SPINT2: variants seen among roughly 807,000 people sequenced by gnomAD.
SPINT2 encodes kunitz-type protease inhibitor 2.
A neutral mutation model predicts 30.1 loss-of-function variants in SPINT2; 18 were observed. That is an observed-to-expected ratio of 0.60 (90% CI 0.41 to 0.89). The LOEUF (loss-of-function observed/expected upper bound fraction) is 0.89. Among genes scored for constraint, SPINT2 ranks in the 40% least tolerant of loss-of-function variants. The pLI is 0.00. For synonymous variants in SPINT2, 139 were observed against 137.9 expected, an observed-to-expected ratio of 1.01 and a Z score of -0.05; for missense variants, 276 against 334.3, an observed-to-expected ratio of 0.83 and a Z score of 1.36.
At position 38,290,672 on chromosome 19, in the gene SPINT2, C is replaced by T. The variant is rs1489031409; in HGVS notation, c.592+97C>T. ...CAGCTGTGGTTTACATTATCCTTCA[C>T]TGTGAACATCATCTTGGCAGAAAGT... is the stretch of plus-strand genomic sequence containing the variant. On this transcript the variant is annotated intron_variant, in intron 6 of 6. Transcript: ENST00000301244. The surrounding 1 kb of genome is among the most constrained non-coding windows in gnomAD (Gnocchi z 4.3). The T allele has an allele frequency of 2.8e-6, 4 of 1,436,838 alleles. No homozygotes were observed. Among genetic ancestry groups the T allele is most frequent in the Non-Finnish European group, 3.8e-6 (4 of 1,044,614 alleles). The allele number at this position is 1,436,838 out of a possible 1,614,324, so 89.0% of individuals were successfully genotyped here. A position where few individuals can be genotyped will look rare whatever the true frequency, so the allele number is the denominator to read the frequency against.
intron 1 of SPINT2, among the ~76,000 whole-genome samples, chr19:38,272,910 C>T (rs903300225): frequency 2.6e-5 from 4 of 151,968 alleles, no homozygotes; most frequent in South Asian, 2.1e-4. Flanking sequence ...TTAGTAGAGA[C>T]GGGGTTTCAC....
intron 2 of SPINT2, among the ~76,000 whole-genome samples, chr19:38,285,244 ACTT>A (rs1968627468): frequency 6.6e-6 from 1 of 152,172 alleles, no homozygotes; most frequent in Non-Finnish European, 1.5e-5. Flanking sequence ...AGTGAGAAGG[ACTT>A]CCTGAGAGCT....
In SPINT2 at chr19:38,264,964, G is replaced by T. The variant is rs1252741278; in HGVS notation, c.72G>T (p.Gly24=). The T allele has an allele frequency of 3.3e-6, 5 of 1,535,996 alleles. 1 individual carries two copies. The African/African-American group carries it at 6.9e-5, about 21-fold the overall frequency. The change falls in exon 1 of 7, where the codon GGG becomes GGT. Residue 24 remains glycine, a synonymous_variant. Transcript: ENST00000301244. ...TGCTGGGATCGCTGCTCCTCTCTGG[G>T]GTCCTGGCGGCCGACCGAGAACGCA... ...LALLGSLLLS[G]VLAADRERSI... is the part of the protein sequence containing the mutation.
rs1219863836 is a variant in SPINT2, at chr19:38,290,680, A to G, written c.592+105A>G. 2 of 1,411,332 alleles carry G rather than the reference A, an allele frequency of 1.4e-6. No homozygotes were observed. Among genetic ancestry groups the G allele is most frequent in the Non-Finnish European group, 9.8e-7 (1 of 1,024,192 alleles). The allele number at this position is 1,411,332 out of a possible 1,614,324, so 87.4% of individuals were successfully genotyped here. On this transcript the variant is annotated intron_variant, in intron 6 of 6. Transcript: ENST00000301244. The surrounding 1 kb of genome is among the most constrained non-coding windows in gnomAD (Gnocchi z 4.3). The stretch of plus-strand genomic sequence containing the variant: ...GTTTACATTATCCTTCACTGTGAAC[A>G]TCATCTTGGCAGAAAGTCATGTTTC...
At chr19:38,287,775 A>G (rs1968660084) in intron 2 of SPINT2, 101 bp from the exon 3 acceptor site, 1 of 1,257,950 alleles carries the variant, frequency 7.9e-7, no homozygotes, top group African/African-American at 1.5e-5. Context: ...GTAAAGGAGA[A>G]GTGGATGCTG....
rs1455942985 is a variant in SPINT2 at position 38,290,346 on chromosome 19, C to T, written c.553+66C>T. 6.3e-7 allele frequency: 1 copy of T among 1,589,120 alleles called. No individual in the cohort carries two copies. The highest frequency in any genetic ancestry group is 8.6e-7 in the Non-Finnish European group (1 of 1,168,408). On this transcript the variant is annotated intron_variant, in intron 5 of 6. Transcript: ENST00000301244. The surrounding 1 kb of genome is among the most constrained non-coding windows in gnomAD (Gnocchi z 4.3). ...AGGACCCCGGTCCATCTCCCCATCC[C>T]TAAAATATGAAGGCCTTGGAAATGC...
chr19:38,271,273 C>T (rs947105265), intron 1 of SPINT2, among the ~76,000 whole-genome samples: 2 of 151,924 alleles, frequency 1.3e-5, no homozygotes, highest in South Asian at 2.1e-4. Flanking sequence ...AGGCGGGTCA[C>T]GAGATCAGGA....
rs558194393 is a variant in SPINT2, at chr19:38,275,847, C to A, written c.107-7780C>A. ...GGTTCAAACGATTCTCCTGCCTCAG[C>A]CTCCAGAATAGCTGGGATTACAGGC... is the stretch of plus-strand genomic sequence containing the variant. On this transcript the variant is annotated intron_variant, in intron 1 of 6. Transcript: ENST00000301244. Among the ~76,000 whole-genome samples the A allele has an allele frequency of 1.3e-4, 20 of 152,030 alleles. No individual in the cohort carries two copies. The Middle Eastern group carries it at 0.02, about 155-fold the overall frequency.
rs187625802 is a variant in SPINT2, at chr19:38,279,898, C to T, written c.107-3729C>T. Reference sequence around the variant, plus strand: ...CGAACTCCTGACCTCAGGTGATCCGCCCACCTCACCCTCCCAAAGTGCTGG... The same window carrying T: ...CGAACTCCTGACCTCAGGTGATCCGTCCACCTCACCCTCCCAAAGTGCTGG... On this transcript the variant is annotated intron_variant, in intron 1 of 6. Coordinates refer to ENST00000301244, the MANE Select transcript of SPINT2 (RefSeq NM_021102.4). Among the ~76,000 whole-genome samples, 33 of 152,284 alleles carry T rather than the reference C, an allele frequency of 2.2e-4. No homozygotes were observed. In the East Asian group the frequency reaches 5.2e-3, roughly 24 times the overall value.
At chr19:38,281,106 C>T (rs564488062) in intron 1 of SPINT2, among the ~76,000 whole-genome samples, 3 of 152,188 alleles carry the variant, frequency 2.0e-5, no homozygotes, top group Non-Finnish European at 2.9e-5. Context: ...TTGCTCCCAG[C>T]GTTGGGGTGG....
intron 1 of SPINT2, among the ~76,000 whole-genome samples, chr19:38,274,347 ACT>A (rs1281461000): frequency 1.3e-5 from 2 of 151,826 alleles, no homozygotes; most frequent in African/African-American, 4.8e-5. Flanking sequence ...GTTCTTTGAA[ACT>A]CTTGGATTAA....
At chr19:38,273,904 A>G (rs1051097646) in intron 1 of SPINT2, among the ~76,000 whole-genome samples, 4 of 152,106 alleles carry the variant, frequency 2.6e-5, no homozygotes, top group Non-Finnish European at 5.9e-5. Context: ...AAAAAATACA[A>G]TCGTAAAGAT....
chr19:38,281,221 C>T (rs1968577790), intron 1 of SPINT2, among the ~76,000 whole-genome samples: 1 of 152,026 alleles, frequency 6.6e-6, no homozygotes, highest in African/African-American at 2.4e-5. Context: ...GGTGTACAGC[C>T]AGCTGGTTTT....
chr19:38,278,028 T>C (rs1968539655), intron 1 of SPINT2, among the ~76,000 whole-genome samples: 1 of 152,216 alleles, frequency 6.6e-6, no homozygotes, highest in African/African-American at 2.4e-5. Context: ...CCCAATACTA[T>C]TCTAAGACCA....
At chr19:38,288,675 G>A in intron 3 of SPINT2, 1 of 200,600 alleles carries the variant, frequency 5.0e-6, no homozygotes, top group Non-Finnish European at 1.0e-5. Flanking sequence ...GGGCCGGCTG[G>A]CTTGCAGAGT....
At position 38,290,462 on chromosome 19, in the gene SPINT2, G is replaced by A; in HGVS notation, c.554-75G>A. 1.2e-6 allele frequency: 2 copies of A among 1,611,546 alleles called. No homozygotes were observed. Among genetic ancestry groups the A allele is most frequent in the East Asian group, 2.2e-5 (1 of 44,860 alleles). On this transcript the variant is annotated intron_variant, in intron 5 of 6. Coordinates refer to ENST00000301244, the MANE Select transcript of SPINT2 (RefSeq NM_021102.4). The surrounding 1 kb of genome is among the most constrained non-coding windows in gnomAD (Gnocchi z 4.3). ...GAAAGAGCTCCCCATGGAGGCCCTG[G>A]CTGAGGGGATCCCCTGCGGCAGCTC...
chr19:38,273,067 A>G (rs1968475910), intron 1 of SPINT2, among the ~76,000 whole-genome samples: 1 of 152,082 alleles, frequency 6.6e-6, no homozygotes, highest in Non-Finnish European at 1.5e-5. Flanking sequence ...AGAAAATACC[A>G]AGATTTTATA....
chr19:38,275,885 G>A (rs546720314), intron 1 of SPINT2, among the ~76,000 whole-genome samples: 3 of 151,448 alleles, frequency 2.0e-5, no homozygotes, highest in South Asian at 2.1e-4. Context: ...GCACCACCAC[G>A]CCCGGCTAAT....
chr19:38,291,579 C>T (rs1968719139), intron 6 of SPINT2: 2 of 491,268 alleles, frequency 4.1e-6, no homozygotes, highest in South Asian at 5.3e-5. Context: ...AGAAGGAACA[C>T]AGATGACTAC....
Sources: allele counts gnomAD v4.1 joint callset (sites outside exome capture counted in the v4.1 genomes callset), GRCh38; gene constraint gnomAD v4.1.1; non-coding constraint Gnocchi (gnomAD v3.1); transcripts MANE v1.5; gene names NCBI Gene and HGNC (gene_info 2026-07-23, HGNC 2026-07-21).